PGAM5: variants seen among roughly 807,000 people sequenced by gnomAD.
The protein encoded by PGAM5 is serine/threonine-protein phosphatase PGAM5, mitochondrial.
Under a neutral mutation model 30.6 loss-of-function variants are expected in PGAM5, and 25 were observed. The observed-to-expected ratio is 0.82, with a 90% CI of 0.60 to 1.14. The LOEUF is 1.14. Among genes scored for constraint, PGAM5 ranks in the 50% most tolerant of loss-of-function variants. The pLI is 0.00. For synonymous variants in PGAM5, 201 were observed against 179.1 expected (o/e 1.12, Z -0.98); for missense variants, 384 against 408.5 (o/e 0.94, Z 0.52).
In PGAM5 at chr12:132,720,810, C is replaced by T; in HGVS notation, c.852C>T (p.Asp284=). Residue 284 remains aspartate, a synonymous_variant, in exon 6 of 6, where the codon GAC becomes GAT. Coordinates refer to ENST00000498926, the MANE Select transcript of PGAM5 (RefSeq NM_001170543.2). ...GGGACACGGGGTTCATGCCTCCCGA[C>T]AAGATCACTCGATCCTGAGGGCTCC... ...TLGDTGFMPP[D]KITRS 6.5e-7 allele frequency: 1 copy of T among 1,536,420 alleles called. No individual in the cohort carries two copies. Among genetic ancestry groups the T allele is most frequent in the Non-Finnish European group, 8.7e-7 (1 of 1,146,806 alleles).
chr12:132,717,616 C>G, intron 3 of PGAM5, 52 bp downstream of exon 3: 2 of 1,601,520 alleles, frequency 1.2e-6, no homozygotes, highest in Non-Finnish European at 1.7e-6. Flanking sequence ...CGGCTCGTGG[C>G]AGGGCCCCGG....
At chr12:132,712,931 G>A (rs1200386615) in intron 1 of PGAM5, among the ~76,000 whole-genome samples, 1 of 152,044 alleles carries the variant, frequency 6.6e-6, no homozygotes, top group Non-Finnish European at 1.5e-5. Context: ...GCTGAGGTGG[G>A]CGGATCACTT....
Position 132,714,902 on chromosome 12 carries a change from A to G in PGAM5, c.236A>G (p.Glu79Gly), listed in dbSNP as rs2043557594. The change falls in exon 2 of 6, where the codon GAA (glutamate) becomes GGA (glycine). Residue 79 changes from glutamate to glycine, a missense_variant. Coordinates refer to ENST00000498926, the MANE Select transcript of PGAM5 (RefSeq NM_001170543.2). ...SLINVRKRNV[E>G]SGEEELASKL... ...ATCAACGTGCGGAAGAGGAACGTGG[A>G]ATCTGGGGAAGAAGAGCTGGCGTCC... 1.9e-6 allele frequency: 3 copies of G among 1,613,648 alleles called. No homozygotes were observed. In the African/African-American group the frequency reaches 4.0e-5, roughly 22 times the overall value.
intron 1 of PGAM5, among the ~76,000 whole-genome samples, chr12:132,714,057 G>A (rs549184406): frequency 2.0e-5 from 3 of 152,076 alleles, no homozygotes; most frequent in Admixed American, 6.6e-5. Flanking sequence ...TCACTCTGTC[G>A]CCCAGACTGG....
chr12:132,714,348 G>A (rs1056177294), intron 1 of PGAM5, among the ~76,000 whole-genome samples: 2 of 152,200 alleles, frequency 1.3e-5, no homozygotes, highest in African/African-American at 4.8e-5. Context: ...GTATGACTGA[G>A]GACATGATGT....
At chr12:132,718,754 A>C in intron 5 of PGAM5, 1 of 1,613,286 alleles carries the variant, frequency 6.2e-7, no homozygotes, top group Non-Finnish European at 8.5e-7. Context: ...GCTGGATCCC[A>C]CTGGCAGCAT....
chr12:132,711,025 G>T lies in PGAM5; in HGVS notation c.149G>T (p.Gly50Val), dbSNP rs978849671. 2.5e-6 allele frequency: 3 copies of T among 1,215,548 alleles called. No homozygotes were observed. The highest frequency in any genetic ancestry group is 3.1e-6 in the Non-Finnish European group (3 of 977,842). The allele number at this position is 1,215,548 out of a possible 1,614,324, so 75.3% of individuals were successfully genotyped here. A position where few individuals can be genotyped will look rare whatever the true frequency, so the allele number is the denominator to read the frequency against. Residue 50 changes from glycine to valine, a missense_variant, in exon 1 of 6, where the codon GGC (glycine) becomes GTC (valine). Physicochemically the swap from Gly to Val is moderately radical, Grantham distance 109. Transcript: ENST00000498926. ...GCTGAGCCGCCGGCCTGGGCGGGGG[G>T]CGCGCGGCCGGGCCCCGGTGTCTGG... ...RPAEPPAWAG[G>V]ARPGPGVWDP...
intron 5 of PGAM5, chr12:132,718,763 A>G (rs1247704688): frequency 1.2e-6 from 2 of 1,613,342 alleles, no homozygotes; most frequent in African/African-American, 1.3e-5. Flanking sequence ...CACTGGCAGC[A>G]TCCCGCCGCT....
chr12:132,715,032 G>C lies in PGAM5; in HGVS notation c.366G>C (p.Pro122=). ...TGGAGAAGGACCGCACTCTGACCCC[G>C]CTGGGTATGTGGTGGGTTCAGATCC... ...GSLEKDRTLT[P]LGREQAELTG... is the part of the protein sequence containing the mutation. Residue 122 remains proline (P), a synonymous_variant, in exon 2 of 6, where the codon CCG becomes CCC. Coordinates refer to ENST00000498926, the MANE Select transcript of PGAM5 (RefSeq NM_001170543.2). 1 of 1,608,672 alleles carries C rather than the reference G, an allele frequency of 6.2e-7. No homozygotes were observed. Among genetic ancestry groups the C allele is most frequent in the Non-Finnish European group, 8.5e-7 (1 of 1,177,894 alleles).
At chr12:132,718,408 G>A (rs1396573781) in intron 5 of PGAM5, among the ~76,000 whole-genome samples, 21 of 40,084 alleles carry the variant, frequency 5.2e-4, no homozygotes, top group Non-Finnish European at 6.7e-4. Context: ...AGTGGGGTGC[G>A]TGCTGGGTGG....
chr12:132,715,429 G>C (rs1411790461), intron 2 of PGAM5, among the ~76,000 whole-genome samples: 4 of 151,816 alleles, frequency 2.6e-5, no homozygotes, highest in Non-Finnish European at 5.9e-5. Context: ...AAATTAGCCA[G>C]GTGCAGTGGT....
chr12:132,717,914 G>C, intron 4 of PGAM5, 73 bp from the exon 5 acceptor site: 1 of 1,601,036 alleles, frequency 6.2e-7, no homozygotes, highest in Admixed American at 1.7e-5. Context: ...CCCGGGCGGC[G>C]ATGGGGTCTG....
chr12:132,717,834 C>A, intron 4 of PGAM5, 36 bp downstream of exon 4: 2 of 1,578,796 alleles, frequency 1.3e-6, no homozygotes, highest in South Asian at 1.1e-5. Context: ...GTGTCACCCT[C>A]GCCTTCCCTG....
intron 5 of PGAM5, chr12:132,718,632 G>C (rs1245585591): frequency 2.2e-6 from 2 of 914,236 alleles, no homozygotes; most frequent in East Asian, 2.6e-5. Context: ...CGTGCTGGGT[G>C]GGGGGTCCTG....
At position 132,717,738 on chromosome 12, in the gene PGAM5, G is replaced by T. The variant is rs773101442; in HGVS notation, c.525G>T (p.Leu175=). Residue 175 remains leucine, a synonymous_variant, in exon 4 of 6, where the codon CTG becomes CTT. Transcript: ENST00000498926. ...TCTGCAAAGTCAGCACAGATCTGCT[G>T]CGGGAAGGCGCCCCCATCGAGCCAG... The part of the protein sequence containing the change: ...PGVCKVSTDL[L]REGAPIEPDP... 2.5e-6 allele frequency: 4 copies of T among 1,581,860 alleles called. No individual in the cohort carries two copies. Among genetic ancestry groups the T allele is most frequent in the Non-Finnish European group, 3.4e-6 (4 of 1,164,410 alleles).
chr12:132,719,228 C>T, intron 5 of PGAM5: 1 of 1,138,172 alleles, frequency 8.8e-7, no homozygotes, highest in Non-Finnish European at 1.1e-6. Context: ...TGAGGGGGCC[C>T]TCTTGAGTGT....
At chr12:132,714,401 C>A (rs1261184713) in intron 1 of PGAM5, among the ~76,000 whole-genome samples, 1 of 152,186 alleles carries the variant, frequency 6.6e-6, no homozygotes, top group Admixed American at 6.5e-5. Context: ...ATTGAAACAT[C>A]CTCATAGCTA....
At chr12:132,718,739 C>G (rs1481160282) in intron 5 of PGAM5, 1 of 1,613,046 alleles carries the variant, frequency 6.2e-7, no homozygotes, top group Non-Finnish European at 8.5e-7. Context: ...CACCTTCTGC[C>G]TCCGGCTGGA....
At chr12:132,712,084 T>C (rs1230108367) in intron 1 of PGAM5, among the ~76,000 whole-genome samples, 1 of 152,244 alleles carries the variant, frequency 6.6e-6, no homozygotes, top group Non-Finnish European at 1.5e-5. Flanking sequence ...TTTTATCTTT[T>C]GTTAACCTTA....
Sources: allele counts gnomAD v4.1 joint callset (sites outside exome capture counted in the v4.1 genomes callset), GRCh38; gene constraint gnomAD v4.1.1; transcripts MANE v1.5; gene names NCBI Gene and HGNC (gene_info 2026-07-23, HGNC 2026-07-21).